The following CACNA2D3 variants were observed in gnomAD, a reference collection of about 807,000 sequenced individuals.
CACNA2D3 encodes calcium voltage-gated channel auxiliary subunit alpha2delta 3.
In CACNA2D3, 60 loss-of-function variants were observed where a neutral mutation model predicts 160.6. The ratio of observed to expected loss-of-function variants is 0.37; its 90% CI spans 0.30 to 0.46. The LOEUF is 0.46. Among genes scored for constraint, CACNA2D3 ranks in the 20% least tolerant of loss-of-function variants. The pLI is 1.00. For missense variants in CACNA2D3, 1,205 were observed against 1,365.0 expected, an observed-to-expected ratio of 0.88 and a Z score of 1.85; for synonymous variants, 558 against 492.9, an observed-to-expected ratio of 1.13 and a Z score of -1.75.
chr3:54,247,214 G>A (rs2107417046), intron 2 of CACNA2D3, among the ~76,000 whole-genome samples: 1 of 152,224 alleles, frequency 6.6e-6, no homozygotes, highest in South Asian at 2.1e-4. Context: ...GGAGGCTGAG[G>A]CAGGAGAATT....
chr3:54,749,911 C>G (rs1356628944), intron 11 of CACNA2D3, among the ~76,000 whole-genome samples: 1 of 152,132 alleles, frequency 6.6e-6, no homozygotes, highest in South Asian at 2.1e-4. Context: ...TTACCTGACC[C>G]AGGGGATGGT....
intron 4 of CACNA2D3, among the ~76,000 whole-genome samples, chr3:54,502,224 G>A (rs887658377): frequency 6.6e-6 from 1 of 152,114 alleles, no homozygotes; most frequent in African/African-American, 2.4e-5. Context: ...AAATATTTCA[G>A]TTTCCATTCT....
intron 4 of CACNA2D3, among the ~76,000 whole-genome samples, chr3:54,392,910 G>T (rs1391907708): frequency 2.6e-5 from 4 of 152,202 alleles, no homozygotes; most frequent in Non-Finnish European, 5.9e-5. Context: ...CAAGGACAGT[G>T]GGAGAGTGAT....
intron 2 of CACNA2D3, among the ~76,000 whole-genome samples, chr3:54,126,348 A>G (rs936077553): frequency 2.6e-5 from 4 of 152,226 alleles, no homozygotes; most frequent in African/African-American, 9.6e-5. Flanking sequence ...TAGGTGATAT[A>G]ATTTGAGGTA....
intron 2 of CACNA2D3, among the ~76,000 whole-genome samples, chr3:54,308,146 G>T (rs1416820937): frequency 6.6e-6 from 1 of 152,128 alleles, no homozygotes; most frequent in East Asian, 1.9e-4. Flanking sequence ...TCTGGTTGTG[G>T]TTTATCAAGC....
chr3:55,001,048 T>C (rs771268751), intron 31 of CACNA2D3, among the ~76,000 whole-genome samples: 10 of 152,214 alleles, frequency 6.6e-5, no homozygotes, highest in Non-Finnish European at 1.2e-4. Context: ...AAAATGGAGA[T>C]GATTATAATC....
chr3:54,310,725 A>G (rs759758004), intron 2 of CACNA2D3, among the ~76,000 whole-genome samples: 2 of 152,196 alleles, frequency 1.3e-5, no homozygotes, highest in Non-Finnish European at 2.9e-5. Context: ...AATTTTAGAA[A>G]TACTGAGATT....
At chr3:54,848,459 C>G (rs1473252952) in intron 17 of CACNA2D3, among the ~76,000 whole-genome samples, 2 of 152,170 alleles carry the variant, frequency 1.3e-5, no homozygotes, top group Non-Finnish European at 2.9e-5. Flanking sequence ...TGTGAGAACC[C>G]AAACCATATG....
intron 2 of CACNA2D3, among the ~76,000 whole-genome samples, chr3:54,275,812 T>G (rs1431002314): frequency 6.6e-6 from 1 of 152,040 alleles, no homozygotes; most frequent in Non-Finnish European, 1.5e-5. Flanking sequence ...GAGATGAGGT[T>G]TCATCATATT....
intron 29 of CACNA2D3, among the ~76,000 whole-genome samples, chr3:54,978,176 T>C (rs1702432402): frequency 6.6e-6 from 1 of 152,140 alleles, no homozygotes; most frequent in South Asian, 2.1e-4. Flanking sequence ...TCCTAACTCA[T>C]CCTGTGACAC....
intron 5 of CACNA2D3, among the ~76,000 whole-genome samples, chr3:54,523,747 G>T (rs142046525): frequency 1.8e-3 from 272 of 152,106 alleles, no homozygotes; most frequent in African/African-American, 6.2e-3. Context: ...TTGTGTCTTT[G>T]TAGGAATTTG....
At chr3:54,656,591 G>A (rs927680454) in intron 11 of CACNA2D3, among the ~76,000 whole-genome samples, 2 of 152,228 alleles carry the variant, frequency 1.3e-5, no homozygotes, top group Non-Finnish European at 2.9e-5. Context: ...GAGCAGGGCA[G>A]CCTCTCCCAG....
chr3:55,073,382 T>G, intron 35 of CACNA2D3, 63 bp from the exon 36 acceptor site: 1 of 1,281,124 alleles, frequency 7.8e-7, no homozygotes, highest in Non-Finnish European at 1.1e-6. Flanking sequence ...GAGAGAAGTC[T>G]TCCTCATGGC....
chr3:54,699,274 C>T (rs1700721617), intron 11 of CACNA2D3, among the ~76,000 whole-genome samples: 1 of 152,168 alleles, frequency 6.6e-6, no homozygotes, highest in South Asian at 2.1e-4. Context: ...AGGAAGAAGA[C>T]TGCATGGGAT....
At chr3:54,807,748 A>G (rs1321466508) in intron 13 of CACNA2D3, among the ~76,000 whole-genome samples, 3 of 152,026 alleles carry the variant, frequency 2.0e-5, no homozygotes, top group African/African-American at 7.3e-5. Context: ...ATAAAGACAC[A>G]TGCACACATA....
intron 35 of CACNA2D3, among the ~76,000 whole-genome samples, chr3:55,038,761 C>A (rs1192527474): frequency 6.6e-6 from 1 of 151,042 alleles, no homozygotes; most frequent in Non-Finnish European, 1.5e-5. Flanking sequence ...TAATAATTTC[C>A]ATATAGAATG....
At chr3:54,464,825 G>A (rs754501377) in intron 4 of CACNA2D3, among the ~76,000 whole-genome samples, 45 of 152,164 alleles carry the variant, frequency 3.0e-4, no homozygotes, top group African/African-American at 4.1e-4. Flanking sequence ...AGATGAACCC[G>A]GTACCTCAGA....
intron 6 of CACNA2D3, among the ~76,000 whole-genome samples, chr3:54,569,019 C>G (rs985015018): frequency 2.0e-5 from 3 of 152,230 alleles, no homozygotes; most frequent in Non-Finnish European, 4.4e-5. Flanking sequence ...TGCAAATCCT[C>G]CATCCCTGAG....
intron 27 of CACNA2D3, among the ~76,000 whole-genome samples, chr3:54,926,520 A>G (rs1489642423): frequency 7.6e-6 from 1 of 131,272 alleles, no homozygotes; most frequent in Non-Finnish European, 1.6e-5. Flanking sequence ...ACACACACAC[A>G]CACACACACA....
Sources: allele counts gnomAD v4.1 joint callset (sites outside exome capture counted in the v4.1 genomes callset), GRCh38; gene constraint gnomAD v4.1.1; transcripts MANE v1.5; gene names NCBI Gene and HGNC (gene_info 2026-07-23, HGNC 2026-07-21).